LPAR6: variants seen among roughly 807,000 people sequenced by gnomAD.
LPAR6 encodes G-protein coupled purinergic receptor P2Y5.
In LPAR6, 17 loss-of-function variants were observed where a neutral mutation model predicts 22.0. The ratio of observed to expected loss-of-function variants is 0.77; its 90% CI spans 0.53 to 1.16. LPAR6 has a LOEUF of 1.16. LPAR6 is among the 50% of genes most tolerant of loss of function. LPAR6 has a pLI of 0.00. For synonymous variants in LPAR6, 136 were observed against 139.8 expected, an observed-to-expected ratio of 0.97 and a Z score of 0.19; for missense variants, 384 against 406.9, an observed-to-expected ratio of 0.94 and a Z score of 0.48.
At chr13:48,434,121 T>C (rs76623774) in intron 1 of LPAR6, among the ~76,000 whole-genome samples, 1,776 of 152,218 alleles carry the variant, frequency 0.012, 38 homozygotes, top group African/African-American at 0.041. Context: ...TATTTTATTA[T>C]ATTATAAATT....
At chr13:48,401,501 T>G (rs920245469) in intron 1 of LPAR6, 6 of 152,226 alleles carry the variant, frequency 3.9e-5, no homozygotes, top group Non-Finnish European at 8.8e-5. Flanking sequence ...CTAAGCTTAC[T>G]TACCTTTAAT....
chr13:48,409,145 T>C (rs1300387081), downstream of LPAR6, among the ~76,000 whole-genome samples: 1 of 151,104 alleles, frequency 6.6e-6, no homozygotes. Context: ...TTTTTTTTCT[T>C]TTCTCTTTTT....
At position 48,412,781 on chromosome 13, in the gene LPAR6, C is replaced by CCACTT. The variant is rs1948839368; in HGVS notation, c.-363_-359dup. ...GCTGTGATCTGTGACCAGAATGAAA[C>CCACTT]CACTTGTCTTCTAAACTTGTATTTC... On this transcript the variant is annotated 5_prime_UTR_variant, in exon 1 of 1. Coordinates refer to ENST00000620633, the MANE Select transcript of LPAR6 (RefSeq NM_001162498.3). The CCACTT allele has an allele frequency of 1.0e-5, 3 of 292,288 alleles. No homozygotes were observed. The East Asian group carries it at 2.7e-4, about 27-fold the overall frequency. The allele number at this position is 292,288 out of a possible 1,614,324, so 18.1% of individuals were successfully genotyped here.
At chr13:48,436,796 TCCTCTTGCGAGGC>T (rs1244622016) in intron 1 of LPAR6, among the ~76,000 whole-genome samples, 2 of 152,210 alleles carry the variant, frequency 1.3e-5, no homozygotes, top group African/African-American at 4.8e-5. Context: ...TATTCTAGTT[TCCTCTTGCGAGGC>T]AAAACAGTCT....
chr13:48,411,847 A>C lies in LPAR6; in HGVS notation c.577T>G (p.Phe193Val). 6.2e-7 allele frequency: 1 copy of C among 1,613,706 alleles called. No individual in the cohort carries two copies. The highest frequency in any genetic ancestry group is 8.5e-7 in the Non-Finnish European group (1 of 1,179,624). ...RIVIFIEIVG[F>V]FIPLILNVTC... ...ACATTTAAAATTAGAGGAATAAAAA[A>C]TCCCACTATTTCGATGAAAATTACA... Residue 193 changes from phenylalanine to valine, a missense_variant, in exon 1 of 1, where the codon TTT (phenylalanine) becomes GTT (valine). Phe to Val is a conservative substitution (Grantham distance 50). Coordinates refer to ENST00000620633, the MANE Select transcript of LPAR6 (RefSeq NM_001162498.3).
chr13:48,421,617 A>G (rs1949005951), intron 2 of LPAR6, among the ~76,000 whole-genome samples: 1 of 152,222 alleles, frequency 6.6e-6, no homozygotes, highest in Admixed American at 6.5e-5. Context: ...CGATCTATCC[A>G]TCTGACAAAG....
upstream of LPAR6, among the ~76,000 whole-genome samples, chr13:48,414,782 CAA>C (rs1382909101): frequency 3.3e-5 from 5 of 151,602 alleles, no homozygotes; most frequent in African/African-American, 1.2e-4. Context: ...TATCAAATGA[CAA>C]AAAAAGATGA....
In LPAR6 at chr13:48,412,190, T is replaced by C. The variant is rs1244325527; in HGVS notation, c.234A>G (p.Thr78=). 3 of 1,614,018 alleles carry C rather than the reference T, an allele frequency of 1.9e-6. No homozygotes were observed. Among genetic ancestry groups the C allele is most frequent in the Non-Finnish European group, 1.7e-6 (2 of 1,179,976 alleles). ...AATCTCCAAATGGCCAATTCCGTGT[T>C]GTGAAGTAAAAAATCCTGAAGGGTA... ...FTLPFRIFYF[T]TRNWPFGDLL... The change falls in exon 1 of 1, where the codon ACA becomes ACG. Residue 78 remains threonine (T), a synonymous_variant. Transcript: ENST00000620633.
At chr13:48,433,583 C>A (rs1174907707) in intron 1 of LPAR6, among the ~76,000 whole-genome samples, 1 of 151,914 alleles carries the variant, frequency 6.6e-6, no homozygotes, top group Admixed American at 6.6e-5. Flanking sequence ...TAAATGAAAC[C>A]ATTTTTTATA....
upstream of LPAR6, among the ~76,000 whole-genome samples, chr13:48,431,247 T>C (rs530153862): frequency 6.6e-6 from 1 of 152,314 alleles, no homozygotes; most frequent in South Asian, 2.1e-4. Flanking sequence ...CCAAATTTAA[T>C]ATTTGTATTT....
intron 1 of LPAR6, among the ~76,000 whole-genome samples, chr13:48,440,226 G>A (rs1949223782): frequency 6.6e-6 from 1 of 152,094 alleles, no homozygotes; most frequent in Admixed American, 6.5e-5. Flanking sequence ...TCAGGAAATA[G>A]GAGTTTACAG....
At chr13:48,392,614 A>G (rs988146467) in intron 1 of LPAR6, among the ~76,000 whole-genome samples, 8 of 151,690 alleles carry the variant, frequency 5.3e-5, no homozygotes, top group South Asian at 2.1e-4. Flanking sequence ...TATATCTTCC[A>G]TATCTATTTT....
At chr13:48,403,927 G>A (rs1593471850) in intron 1 of LPAR6, among the ~76,000 whole-genome samples, 1 of 152,150 alleles carries the variant, frequency 6.6e-6, no homozygotes, top group Non-Finnish European at 1.5e-5. Flanking sequence ...CTTGAGCCTG[G>A]GAAGTTGAGG....
chr13:48,399,568 T>C (rs1463324973), intron 1 of LPAR6, among the ~76,000 whole-genome samples: 1 of 152,022 alleles, frequency 6.6e-6, no homozygotes, highest in Non-Finnish European at 1.5e-5. Context: ...AATAACTTTC[T>C]TCATCATTGT....
upstream of LPAR6, chr13:48,429,332 TG>T (rs2138272099): frequency 6.6e-6 from 1 of 152,338 alleles, no homozygotes; most frequent in East Asian, 1.9e-4. Flanking sequence ...GGAAGATCAC[TG>T]GAGCCCAGGA....
downstream of LPAR6, chr13:48,408,701 C>A (rs1359884080): frequency 6.6e-6 from 1 of 151,974 alleles, no homozygotes; most frequent in Non-Finnish European, 1.5e-5. Flanking sequence ...ATGAGAAAAC[C>A]ATGTTTGTTA....
At chr13:48,390,243 A>T (rs1948600705) in intron 1 of LPAR6, among the ~76,000 whole-genome samples, 1 of 152,222 alleles carries the variant, frequency 6.6e-6, no homozygotes, top group African/African-American at 2.4e-5. Context: ...ATGAAGTTGA[A>T]CGTAATGAAT....
At chr13:48,410,255 T>C (rs1948781575), downstream of LPAR6, among the ~76,000 whole-genome samples, 1 of 152,232 alleles carries the variant, frequency 6.6e-6, no homozygotes, top group Non-Finnish European at 1.5e-5. Context: ...ATATTTTTAC[T>C]GTACCTTTTC....
intron 1 of LPAR6, among the ~76,000 whole-genome samples, chr13:48,393,113 G>C (rs1175357593): frequency 6.6e-6 from 1 of 152,172 alleles, no homozygotes; most frequent in South Asian, 2.1e-4. Context: ...AACTCTTCCT[G>C]ACCCTGTGTC....
Sources: gnomAD v4.1 joint callset for allele counts (sites outside exome capture counted in the v4.1 genomes callset) on GRCh38, gnomAD v4.1.1 for gene constraint, MANE v1.5 for transcripts, NCBI Gene and HGNC (gene_info 2026-07-23, HGNC 2026-07-21) for gene names.